The following CCDC6 variants were observed in gnomAD, a reference collection of about 807,000 sequenced individuals.
The protein encoded by CCDC6 is coiled-coil domain containing 6.
A neutral mutation model predicts 56.6 loss-of-function variants in CCDC6; 20 were observed. The observed-to-expected ratio is 0.35, with a 90% CI of 0.25 to 0.51. The LOEUF is 0.51. Ranked by LOEUF, CCDC6 falls within the 20% of genes least tolerant of loss-of-function variation. The pLI is 0.95. For missense variants in CCDC6, 367 were observed against 601.1 expected (o/e 0.61, Z 4.07); for synonymous variants, 241 against 234.4 (o/e 1.03, Z -0.26).
chr10:59,892,918 G>C (rs191287340), intron 1 of CCDC6, among the ~76,000 whole-genome samples: 19 of 151,840 alleles, frequency 1.3e-4, no homozygotes, highest in African/African-American at 3.9e-4. Context: ...CCGCTGCCCA[G>C]CACCAATACT....
At chr10:59,829,131 G>A (rs1279528941) in intron 3 of CCDC6, among the ~76,000 whole-genome samples, 1 of 152,168 alleles carries the variant, frequency 6.6e-6, no homozygotes, top group East Asian at 1.9e-4. Flanking sequence ...TTACAGTGAG[G>A]CCCTGCTGAC....
At position 59,906,546 on chromosome 10, in the gene CCDC6, A is replaced by G; in HGVS notation, c.-122T>C. The G allele has an allele frequency of 1.2e-6, 1 of 830,250 alleles. No individual in the cohort carries two copies. The highest frequency in any genetic ancestry group is 1.7e-6 in the Non-Finnish European group (1 of 574,764). The allele number at this position is 830,250 out of a possible 1,614,324, so 51.4% of individuals were successfully genotyped here. A position where few individuals can be genotyped will look rare whatever the true frequency, so the allele number is the denominator to read the frequency against. The stretch of plus-strand genomic sequence containing the variant: ...AGCGCCGAGCTGAGCGCCTGGCACC[A>G]GGGCGCAGACTCGGAGCGGCGGCGA... On this transcript the variant is annotated 5_prime_UTR_variant, in exon 1 of 9. Coordinates refer to ENST00000263102, the MANE Select transcript of CCDC6 (RefSeq NM_005436.5).
At chr10:59,868,624 CT>C (rs1196492468) in intron 1 of CCDC6, among the ~76,000 whole-genome samples, 1 of 152,208 alleles carries the variant, frequency 6.6e-6, no homozygotes, top group Admixed American at 6.5e-5. Flanking sequence ...TCTAATTTAA[CT>C]TTATTCTTCA....
At chr10:59,822,467 A>C (rs57032269) in intron 3 of CCDC6, among the ~76,000 whole-genome samples, 18,879 of 152,228 alleles carry the variant, frequency 0.12, 1,288 homozygotes, top group East Asian at 0.22. Flanking sequence ...TAGGGAAAGC[A>C]AGTTTCACAG....
chr10:59,801,570 C>T (rs892968054), intron 7 of CCDC6, among the ~76,000 whole-genome samples: 1 of 152,152 alleles, frequency 6.6e-6, no homozygotes, highest in African/African-American at 2.4e-5. Context: ...TTATACTTGA[C>T]CTTACAGTCG....
At chr10:59,872,779 T>TTGGG (rs879391093) in intron 1 of CCDC6, among the ~76,000 whole-genome samples, 3 of 57,194 alleles carry the variant, frequency 5.2e-5, no homozygotes, top group African/African-American at 1.6e-4. Flanking sequence ...ACTTTCCAGA[T>TTGGG]GGGGGGGTGG....
intron 1 of CCDC6, among the ~76,000 whole-genome samples, chr10:59,892,525 C>G (rs776866229): frequency 2.0e-5 from 3 of 152,166 alleles, no homozygotes; most frequent in Non-Finnish European, 4.4e-5. Flanking sequence ...CAACCACCCC[C>G]GCTCAGCTTT....
Position 59,790,950 on chromosome 10 carries a change from T to G in CCDC6, c.*1967A>C, listed in dbSNP as rs773177296. On this transcript the variant is annotated 3_prime_UTR_variant, in exon 9 of 9. Transcript: ENST00000263102. Reference sequence around the variant, plus strand: ...TTGAAATCTATAATCTCATAAAAGATTCTTATAAACATATACCATATTTCT... The same window carrying G: ...TTGAAATCTATAATCTCATAAAAGAGTCTTATAAACATATACCATATTTCT... The G allele has an allele frequency of 4.9e-6, 1 of 203,052 alleles. No homozygotes were observed. Among genetic ancestry groups the G allele is most frequent in the Non-Finnish European group, 1.0e-5 (1 of 98,654 alleles). The allele number at this position is 203,052 out of a possible 1,614,324, so 12.6% of individuals were successfully genotyped here. A position where few individuals can be genotyped will look rare whatever the true frequency, so the allele number is the denominator to read the frequency against.
chr10:59,848,803 T>C (rs2071014967), intron 2 of CCDC6, among the ~76,000 whole-genome samples: 1 of 152,134 alleles, frequency 6.6e-6, no homozygotes, highest in African/African-American at 2.4e-5. Flanking sequence ...AACCTCTGCC[T>C]CCCAGGTTCA....
At chr10:59,862,562 T>TACACAAACAC (rs1360725553) in intron 1 of CCDC6, among the ~76,000 whole-genome samples, 3 of 101,970 alleles carry the variant, frequency 2.9e-5, no homozygotes, top group Admixed American at 9.8e-5. Context: ...CACACATATA[T>TACACAAACAC]ATACACATAC....
At chr10:59,870,166 C>G (rs1387444183) in intron 1 of CCDC6, among the ~76,000 whole-genome samples, 2 of 152,190 alleles carry the variant, frequency 1.3e-5, no homozygotes, top group African/African-American at 4.8e-5. Context: ...ACTTCAGAAC[C>G]TACAATTGTG....
chr10:59,890,395 A>C (rs1195838505), intron 1 of CCDC6, among the ~76,000 whole-genome samples: 1 of 152,158 alleles, frequency 6.6e-6, no homozygotes, highest in East Asian at 1.9e-4. Context: ...AAAGGAGGGG[A>C]TGCTGCCAAG....
chr10:59,843,506 T>G (rs140381784), intron 2 of CCDC6, among the ~76,000 whole-genome samples: 179 of 152,376 alleles, frequency 1.2e-3, no homozygotes, highest in African/African-American at 4.1e-3. Context: ...TCTCTGAGTA[T>G]AGTAAGCATG....
At chr10:59,809,758 C>CAT (rs1254497504) in intron 5 of CCDC6, among the ~76,000 whole-genome samples, 1 of 152,080 alleles carries the variant, frequency 6.6e-6, no homozygotes, top group Non-Finnish European at 1.5e-5. Flanking sequence ...ATATGTATGC[C>CAT]ATAGGAACTT....
chr10:59,808,007 T>G (rs2070640784), intron 5 of CCDC6, among the ~76,000 whole-genome samples: 1 of 152,178 alleles, frequency 6.6e-6, no homozygotes, highest in African/African-American at 2.4e-5. Context: ...ATTTGTGGTG[T>G]GTGTGTGGCT....
At chr10:59,888,431 GC>G (rs1485189475) in intron 1 of CCDC6, among the ~76,000 whole-genome samples, 1 of 152,248 alleles carries the variant, frequency 6.6e-6, no homozygotes, top group African/African-American at 2.4e-5. Context: ...AAGCCAGTCT[GC>G]ATACCTACTG....
chr10:59,836,137 T>C (rs1180470501), intron 2 of CCDC6, among the ~76,000 whole-genome samples: 1 of 149,306 alleles, frequency 6.7e-6, no homozygotes, highest in Non-Finnish European at 1.5e-5. Context: ...AGGGTTAAGA[T>C]GAGCAAGAGG....
rs1419935809 is a variant in CCDC6, at chr10:59,792,295, C to T, written c.*622G>A. On this transcript the variant is annotated 3_prime_UTR_variant, in exon 9 of 9. Transcript: ENST00000263102. ...CAGCCACATGATTCATTACTTTGGG[C>T]CATCTGTTTTACGAGAGACATGGAT... is the stretch of plus-strand genomic sequence containing the variant. The T allele has an allele frequency of 1.4e-5, 5 of 345,674 alleles. No individual in the cohort carries two copies. Among genetic ancestry groups the T allele is most frequent in the African/African-American group, 6.2e-5 (3 of 48,470 alleles). The allele number at this position is 345,674 out of a possible 1,614,324, so 21.4% of individuals were successfully genotyped here.
Position 59,803,331 on chromosome 10 carries a change from A to G in CCDC6, c.1105+1089T>C, listed in dbSNP as rs556214240. 4.6e-5 allele frequency among the ~76,000 whole-genome samples: 7 copies of G among 152,044 alleles called. No homozygotes were observed. In the East Asian group the frequency reaches 1.2e-3, roughly 25 times the overall value. ...ATTGCCTCCTCTTAAAAAAAAAAAA[A>G]GTTAATGGCAGCACAGTGCTGTGAA... On this transcript the variant is annotated intron_variant, in intron 7 of 8. Transcript: ENST00000263102.
Sources: allele counts gnomAD v4.1 joint callset (sites outside exome capture counted in the v4.1 genomes callset), GRCh38; gene constraint gnomAD v4.1.1; transcripts MANE v1.5; gene names NCBI Gene and HGNC (gene_info 2026-07-23, HGNC 2026-07-21).